Variants in RFX7 observed in about 807,000 individuals in gnomAD.
RFX7 encodes DNA-binding protein RFX7.
RFX7 carries 26 observed loss-of-function variants against 111.8 expected under a neutral mutation model. The ratio of observed to expected loss-of-function variants is 0.23; its 90% CI spans 0.17 to 0.32. The LOEUF is 0.32. Ranked by LOEUF, RFX7 falls within the 10% of genes least tolerant of loss-of-function variation. The probability of loss-of-function intolerance (pLI) is 1.00; values close to 1 mark genes in which losing one functional copy is unlikely to be tolerated. For synonymous variants in RFX7, 624 were observed against 624.4 expected (o/e 1.00, Z 0.01); for missense variants, 1,573 against 1,772.9 (o/e 0.89, Z 2.02).
chr15:56,134,379 A>G (rs1205663805), intron 5 of RFX7, among the ~76,000 whole-genome samples: 1 of 152,160 alleles, frequency 6.6e-6, no homozygotes, highest in Non-Finnish European at 1.5e-5. Context: ...CTATGGGGGA[A>G]CACTACAGTA....
chr15:56,231,601 G>C (rs373119812), intron 2 of RFX7, among the ~76,000 whole-genome samples: 1 of 151,962 alleles, frequency 6.6e-6, no homozygotes. Flanking sequence ...GATTTGGGTG[G>C]GGGCAGAGCC....
chr15:56,097,746 C>CAAAAAAAAAAAAAAAAAAAAAAAAAAAAA (rs67718449), intron 9 of RFX7, among the ~76,000 whole-genome samples: 1 of 47,338 alleles, frequency 2.1e-5, no homozygotes, highest in Non-Finnish European at 3.3e-5. Flanking sequence ...GACTCTGTCT[C>CAAAAAAAAAAAAAAAAAAAAAAAAAAAAA]AAAAAAAAAA....
intron 3 of RFX7, 90 bp from the exon 4 acceptor site, chr15:56,144,573 A>G (rs1251995225): frequency 6.2e-6 from 3 of 483,066 alleles, no homozygotes; most frequent in Non-Finnish European, 1.2e-5. Context: ...CTAAACGATA[A>G]TGACTATTTA....
At chr15:56,106,396 T>C (rs552780563) in intron 5 of RFX7, among the ~76,000 whole-genome samples, 130 of 152,362 alleles carry the variant, frequency 8.5e-4, no homozygotes, top group Middle Eastern at 3.4e-3. Context: ...AAACTGCCTA[T>C]GATTCAAAAC....
At chr15:56,137,154 C>A (rs1381908927) in intron 5 of RFX7, among the ~76,000 whole-genome samples, 1 of 152,116 alleles carries the variant, frequency 6.6e-6, no homozygotes, top group East Asian at 1.9e-4. Context: ...AGGATTCCCT[C>A]TTTTTCTATT....
intron 7 of RFX7, among the ~76,000 whole-genome samples, chr15:56,101,841 T>A (rs1165520177): frequency 6.6e-6 from 1 of 152,224 alleles, no homozygotes; most frequent in Non-Finnish European, 1.5e-5. Flanking sequence ...ATGTCAAAAC[T>A]ATGCCAATAG....
chr15:56,235,806 A>C (rs922022927), intron 2 of RFX7, among the ~76,000 whole-genome samples: 2 of 152,302 alleles, frequency 1.3e-5, no homozygotes, highest in South Asian at 4.1e-4. Context: ...AATGGGTGTA[A>C]AGGTATCCTT....
chr15:56,204,082 C>T (rs2141187088), intron 2 of RFX7, among the ~76,000 whole-genome samples: 1 of 149,596 alleles, frequency 6.7e-6, no homozygotes, highest in Admixed American at 6.7e-5. Context: ...GTGCAGTGGC[C>T]CAATCGTGGC....
At chr15:56,241,351 G>C (rs1488661403) in intron 2 of RFX7, among the ~76,000 whole-genome samples, 2 of 152,110 alleles carry the variant, frequency 1.3e-5, no homozygotes, top group Non-Finnish European at 2.9e-5. Context: ...AAACATTTCA[G>C]TCAGTTGCCT....
At position 56,204,495 on chromosome 15, in the gene RFX7, T is replaced by G. The variant is rs984539554; in HGVS notation, c.162-25192A>C. On this transcript the variant is annotated intron_variant, in intron 2 of 9. Coordinates refer to ENST00000559447, the MANE Select transcript of RFX7 (RefSeq NM_022841.7). ...GATTTAAAAGCACAGGTAAGGCTAC[T>G]CCTACAAACCCAGGGAAAATCAGTG... 4.6e-5 allele frequency among the ~76,000 whole-genome samples: 7 copies of G among 152,314 alleles called. No individual in the cohort carries two copies. In the East Asian group the frequency reaches 1.3e-3, roughly 29 times the overall value.
At chr15:56,118,919 T>C (rs1223690632) in intron 5 of RFX7, among the ~76,000 whole-genome samples, 1 of 152,248 alleles carries the variant, frequency 6.6e-6, no homozygotes, top group Non-Finnish European at 1.5e-5. Flanking sequence ...ATTGTTGTTT[T>C]GATTTGTATT....
intron 5 of RFX7, among the ~76,000 whole-genome samples, chr15:56,110,514 G>C (rs1395736217): frequency 1.2e-5 from 1 of 86,902 alleles, no homozygotes; most frequent in Admixed American, 1.1e-4. Flanking sequence ...CCCTCTGCCC[G>C]GCCAGCTGCC....
intron 3 of RFX7, among the ~76,000 whole-genome samples, chr15:56,163,773 C>CAGCTTT (rs1334069967): frequency 6.6e-6 from 1 of 152,132 alleles, no homozygotes; most frequent in African/African-American, 2.4e-5. Context: ...TATTGGCTGG[C>CAGCTTT]CGTTGTAATG....
chr15:56,190,509 T>G (rs2043089287), intron 2 of RFX7, among the ~76,000 whole-genome samples: 1 of 152,248 alleles, frequency 6.6e-6, no homozygotes. Flanking sequence ...TCTTCAGCAT[T>G]ACAGTTCAAC....
At chr15:56,241,994 A>G (rs2043695099) in intron 2 of RFX7, among the ~76,000 whole-genome samples, 1 of 152,330 alleles carries the variant, frequency 6.6e-6, no homozygotes, top group East Asian at 1.9e-4. Context: ...TGTATTTAAA[A>G]ATTGTCACTT....
intron 2 of RFX7, among the ~76,000 whole-genome samples, chr15:56,215,817 T>C (rs2043357961): frequency 6.6e-6 from 1 of 152,218 alleles, no homozygotes; most frequent in African/African-American, 2.4e-5. Flanking sequence ...TAGGAGTCAC[T>C]GAGGTGGGTG....
chr15:56,226,141 A>G (rs1158392492), intron 2 of RFX7, among the ~76,000 whole-genome samples: 2 of 152,172 alleles, frequency 1.3e-5, no homozygotes, highest in African/African-American at 4.8e-5. Flanking sequence ...ACTCTGTACT[A>G]CAGAAGTGTT....
intron 5 of RFX7, among the ~76,000 whole-genome samples, chr15:56,106,586 T>C (rs946925675): frequency 1.3e-5 from 2 of 152,234 alleles, no homozygotes; most frequent in Admixed American, 6.5e-5. Context: ...GGTCATACTC[T>C]TAAATGATGG....
chr15:56,130,648 A>C (rs2042199755), intron 5 of RFX7, among the ~76,000 whole-genome samples: 1 of 152,064 alleles, frequency 6.6e-6, no homozygotes, highest in African/African-American at 2.4e-5. Flanking sequence ...AAAAAAACCC[A>C]AGAAAACCAG....
Sources: allele counts gnomAD v4.1 joint callset (sites outside exome capture counted in the v4.1 genomes callset), GRCh38; gene constraint gnomAD v4.1.1; transcripts MANE v1.5; gene names NCBI Gene and HGNC (gene_info 2026-07-23, HGNC 2026-07-21).